BARX2: variants seen among roughly 807,000 people sequenced by gnomAD.
BARX2 encodes BARX homeobox 2, also known as homeobox protein BarH-like 2.
Under a neutral mutation model 25.5 loss-of-function variants are expected in BARX2, and 11 were observed. That is an observed-to-expected ratio of 0.43 (90% CI 0.27 to 0.71). BARX2 has a LOEUF of 0.71. BARX2 is among the 30% of genes least tolerant of loss of function. The pLI is 0.19. For missense variants in BARX2, 360 were observed against 359.9 expected (o/e 1.00, Z 0.00); for synonymous variants, 137 against 149.5 (o/e 0.92, Z 0.61).
In BARX2 at chr11:129,431,811, A is replaced by G. The variant is rs1181170760; in HGVS notation, c.188-4940A>G. Among the ~76,000 whole-genome samples the G allele has an allele frequency of 2.6e-5, 4 of 152,070 alleles. No individual in the cohort carries two copies. In the South Asian group the frequency reaches 8.3e-4, roughly 32 times the overall value. ...AGTTTTTTGCCTTTTTATTTTATGC[A>G]TCATGCTTTTGGTGTCATGGCTAAG... On this transcript the variant is annotated intron_variant, in intron 1 of 3. Coordinates refer to ENST00000281437, the MANE Select transcript of BARX2 (RefSeq NM_003658.5).
chr11:129,435,487 T>C (rs986029644), intron 1 of BARX2, among the ~76,000 whole-genome samples: 7 of 152,192 alleles, frequency 4.6e-5, no homozygotes, highest in African/African-American at 1.7e-4. Flanking sequence ...TCTGTGATGT[T>C]AGTCGGTTTC....
At chr11:129,399,101 T>A (rs145437462) in intron 1 of BARX2, among the ~76,000 whole-genome samples, 1 of 152,222 alleles carries the variant, frequency 6.6e-6, no homozygotes, top group Admixed American at 6.5e-5. Context: ...ACCTATATGA[T>A]GGTCCCCTGG....
intron 1 of BARX2, among the ~76,000 whole-genome samples, chr11:129,402,607 G>T (rs1312583487): frequency 6.6e-6 from 1 of 152,186 alleles, no homozygotes; most frequent in Non-Finnish European, 1.5e-5. Context: ...TCATGAAAAT[G>T]CTGTTAATGA....
At chr11:129,419,027 C>G (rs2135402305) in intron 1 of BARX2, among the ~76,000 whole-genome samples, 1 of 152,310 alleles carries the variant, frequency 6.6e-6, no homozygotes, top group South Asian at 2.1e-4. Context: ...TCCCATGTCC[C>G]AAAGCTGCGC....
At chr11:129,395,160 C>T (rs1247823106) in intron 1 of BARX2, among the ~76,000 whole-genome samples, 2 of 152,100 alleles carry the variant, frequency 1.3e-5, no homozygotes, top group African/African-American at 2.4e-5. Context: ...ATTTAAAAAA[C>T]AAAGTCACTA....
intron 1 of BARX2, among the ~76,000 whole-genome samples, chr11:129,391,393 G>A (rs1565510175): frequency 6.6e-6 from 1 of 152,228 alleles, no homozygotes; most frequent in Non-Finnish European, 1.5e-5. Flanking sequence ...CTGTCACAGT[G>A]GAGGGAGAGG....
chr11:129,397,544 AC>A (rs1324189239), intron 1 of BARX2, among the ~76,000 whole-genome samples: 7 of 152,250 alleles, frequency 4.6e-5, no homozygotes, highest in Admixed American at 2.6e-4. Context: ...TCTGATTAAA[AC>A]AAAGGAAAGC....
intron 1 of BARX2, among the ~76,000 whole-genome samples, chr11:129,401,182 T>A (rs1861771614): frequency 6.6e-6 from 1 of 152,062 alleles, no homozygotes; most frequent in Admixed American, 6.5e-5. Flanking sequence ...AATTTAGGAG[T>A]TAATGGGAAA....
chr11:129,379,704 T>A (rs1157743396), intron 1 of BARX2, among the ~76,000 whole-genome samples: 1 of 152,160 alleles, frequency 6.6e-6, no homozygotes. Context: ...GATAACTTGC[T>A]TCACAAAAAT....
chr11:129,437,199 T>A, intron 2 of BARX2, 148 bp downstream of exon 2: 1 of 963,246 alleles, frequency 1.0e-6, no homozygotes, highest in Non-Finnish European at 1.4e-6. Context: ...CATCTCAACC[T>A]TGGTTAACAG....
chr11:129,449,288 G>A (rs575490300), intron 3 of BARX2, among the ~76,000 whole-genome samples: 59 of 152,314 alleles, frequency 3.9e-4, no homozygotes, highest in African/African-American at 1.4e-3. Flanking sequence ...TTGAAGGAAA[G>A]AGGAACAGTC....
At chr11:129,379,036 A>G (rs1401555801) in intron 1 of BARX2, among the ~76,000 whole-genome samples, 1 of 152,180 alleles carries the variant, frequency 6.6e-6, no homozygotes. Flanking sequence ...GCCTTGATGG[A>G]ATCCTCACCT....
At chr11:129,434,117 C>G (rs1281398006) in intron 1 of BARX2, among the ~76,000 whole-genome samples, 3 of 146,724 alleles carry the variant, frequency 2.0e-5, no homozygotes, top group African/African-American at 7.5e-5. Context: ...TAAAGGCAGA[C>G]AAAAAAAAAA....
At position 129,376,205 on chromosome 11, in the gene BARX2, C is replaced by G; in HGVS notation, c.170C>G (p.Pro57Arg). ...VCPSLVVRPKPLHSCTGSPSL... is the reference protein window; with the variant it reads ...VCPSLVVRPKRLHSCTGSPSL... ...CCGTCGCTGGTCGTGCGACCCAAGC[C>G]CCTGCATTCCTGTACGGGTAAGACG... The change falls in exon 1 of 4, where the codon CCC becomes CGC. Residue 57 changes from proline (P) to arginine (R), a missense_variant. Coordinates refer to ENST00000281437, the MANE Select transcript of BARX2 (RefSeq NM_003658.5). The surrounding 1 kb of genome is among the most constrained non-coding windows in gnomAD (Gnocchi z 4.2). 1 of 1,607,338 alleles carries G rather than the reference C, an allele frequency of 6.2e-7. No individual in the cohort carries two copies. Among genetic ancestry groups the G allele is most frequent in the Non-Finnish European group, 8.5e-7 (1 of 1,176,912 alleles).
chr11:129,436,282 T>C lies in BARX2; in HGVS notation c.188-469T>C, dbSNP rs1862188013. 1 of 157,550 alleles carries C rather than the reference T, an allele frequency of 6.3e-6. No individual in the cohort carries two copies. Among genetic ancestry groups the C allele is most frequent in the Admixed American group, 6.5e-5 (1 of 15,414 alleles). 9.8% of individuals were successfully genotyped at this position (157,550 alleles called of 1,614,324 possible). On this transcript the variant is annotated intron_variant, in intron 1 of 3. Coordinates refer to ENST00000281437, the MANE Select transcript of BARX2 (RefSeq NM_003658.5). This position sits in a 1 kb window ranked among gnomAD's most constrained non-coding sequence, Gnocchi z 4.5. ...TGTCAAGCTCTGAAAAATGCTATGCTTCAAGGTACACAGACTTCTCAGGAA... is the reference window on the plus strand; with the variant it reads ...TGTCAAGCTCTGAAAAATGCTATGCCTCAAGGTACACAGACTTCTCAGGAA...
intron 1 of BARX2, among the ~76,000 whole-genome samples, chr11:129,417,795 G>A (rs745795233): frequency 5.9e-5 from 9 of 152,280 alleles, no homozygotes; most frequent in Non-Finnish European, 1.3e-4. Flanking sequence ...TATGGCCTTT[G>A]CAGTTTATAA....
intron 2 of BARX2, among the ~76,000 whole-genome samples, chr11:129,441,606 AC>A (rs1862259996): frequency 6.6e-6 from 1 of 150,610 alleles, no homozygotes; most frequent in South Asian, 2.1e-4. Context: ...CTGCCACCAC[AC>A]CCAGTTAATT....
intron 1 of BARX2, among the ~76,000 whole-genome samples, chr11:129,434,397 C>CT (rs199785143): frequency 1.1e-5 from 1 of 89,586 alleles, no homozygotes; most frequent in African/African-American, 4.4e-5. Context: ...CCTGTCTCTA[C>CT]TTTAAAAAAA....
intron 1 of BARX2, among the ~76,000 whole-genome samples, chr11:129,409,708 T>C (rs1206385912): frequency 6.6e-6 from 1 of 152,208 alleles, no homozygotes. Context: ...TTTCCCCTCT[T>C]TGCAAACTTT....
Sources: gnomAD v4.1 joint callset for allele counts (sites outside exome capture counted in the v4.1 genomes callset) on GRCh38, gnomAD v4.1.1 for gene constraint, Gnocchi (gnomAD v3.1) non-coding constraint, MANE v1.5 for transcripts, NCBI Gene and HGNC (gene_info 2026-07-23, HGNC 2026-07-21) for gene names.